Variants in PRKAR2B observed in about 807,000 individuals in gnomAD.
The protein encoded by PRKAR2B is protein kinase cAMP-dependent type II regulatory subunit beta, also known as cAMP-dependent protein kinase type II-beta regulatory subunit.
Under a neutral mutation model 49.9 loss-of-function variants are expected in PRKAR2B, and 14 were observed. The observed-to-expected ratio is 0.28, with a 90% CI of 0.19 to 0.44. The LOEUF (loss-of-function observed/expected upper bound fraction) is 0.44. Among genes scored for constraint, PRKAR2B ranks in the 20% least tolerant of loss-of-function variants. The probability of loss-of-function intolerance (pLI) is 1.00; values close to 1 mark genes in which losing one functional copy is unlikely to be tolerated. For missense variants in PRKAR2B, 393 were observed against 537.9 expected, an observed-to-expected ratio of 0.73 and a Z score of 2.67; for synonymous variants, 196 against 197.7, an observed-to-expected ratio of 0.99 and a Z score of 0.07.
chr7:107,077,610 A>G (rs1794424079), intron 2 of PRKAR2B, among the ~76,000 whole-genome samples: 1 of 152,240 alleles, frequency 6.6e-6, no homozygotes, highest in Non-Finnish European at 1.5e-5. Context: ...TGGAGTGAGC[A>G]GATGCCCACT....
At chr7:107,116,947 GTGTGTGTGTATATATATATA>G (rs1044969201) in intron 2 of PRKAR2B, among the ~76,000 whole-genome samples, 3 of 146,940 alleles carry the variant, frequency 2.0e-5, no homozygotes, top group Non-Finnish European at 4.5e-5. Flanking sequence ...ATATATGTGT[GTGTGTGTGTATATATATATA>G]TATGTGTATA....
chr7:107,061,362 A>G (rs542293189), intron 1 of PRKAR2B, among the ~76,000 whole-genome samples: 1 of 152,326 alleles, frequency 6.6e-6, no homozygotes, highest in South Asian at 2.1e-4. Context: ...CTTCCTATCC[A>G]TGAACATGAT....
chr7:107,142,860 T>C (rs568894166), intron 5 of PRKAR2B, among the ~76,000 whole-genome samples: 22 of 152,202 alleles, frequency 1.4e-4, no homozygotes, highest in Non-Finnish European at 3.1e-4. Flanking sequence ...CCTCCCAGTT[T>C]CAAGCGATTC....
intron 2 of PRKAR2B, among the ~76,000 whole-genome samples, chr7:107,110,773 T>TAGTA (rs925007217): frequency 6.6e-6 from 1 of 152,074 alleles, no homozygotes; most frequent in Admixed American, 6.5e-5. Context: ...AATACTCAGG[T>TAGTA]AGTACACTGT....
intron 5 of PRKAR2B, among the ~76,000 whole-genome samples, 189 bp downstream of exon 5, chr7:107,141,142 C>T (rs1399198433): frequency 1.3e-5 from 2 of 152,144 alleles, no homozygotes; most frequent in African/African-American, 4.8e-5. Context: ...TGAAAAGAGA[C>T]ATAGTTTATA....
Position 107,108,264 on chromosome 7 carries a change from A to G in PRKAR2B, c.344-13688A>G, listed in dbSNP as rs748338595. On this transcript the variant is annotated intron_variant, in intron 2 of 10. Coordinates refer to ENST00000265717, the MANE Select transcript of PRKAR2B (RefSeq NM_002736.3). ...CAACAGAGGACTTCTGAAAATTACC[A>G]AAAGAGGATTCAAAACAGACTAGGA... Among the ~76,000 whole-genome samples the G allele has an allele frequency of 2.6e-5, 4 of 152,210 alleles. No homozygotes were observed. In the South Asian group the frequency reaches 6.2e-4, roughly 24 times the overall value.
intron 1 of PRKAR2B, among the ~76,000 whole-genome samples, chr7:107,060,655 T>C (rs931703804): frequency 1.3e-5 from 2 of 149,288 alleles, no homozygotes; most frequent in African/African-American, 2.5e-5. Flanking sequence ...TTCCTTCCTT[T>C]AATGTTCTGG....
At chr7:107,138,125 T>A (rs186917317) in intron 4 of PRKAR2B, among the ~76,000 whole-genome samples, 14 of 152,342 alleles carry the variant, frequency 9.2e-5, no homozygotes, top group African/African-American at 2.9e-4. Context: ...TTAATTTTTT[T>A]AACTCTTTTA....
intron 6 of PRKAR2B, among the ~76,000 whole-genome samples, chr7:107,149,671 A>G (rs1795948836): frequency 6.6e-6 from 1 of 152,090 alleles, no homozygotes; most frequent in African/African-American, 2.4e-5. Context: ...TGATAGAAAC[A>G]TTCAGTTGCA....
At chr7:107,047,627 A>G (rs769212722) in intron 1 of PRKAR2B, among the ~76,000 whole-genome samples, 10 of 152,182 alleles carry the variant, frequency 6.6e-5, no homozygotes, top group Non-Finnish European at 1.5e-4. Flanking sequence ...TATGTCCAGA[A>G]ATGTGTCTCA....
chr7:107,058,001 T>C (rs2243984), intron 1 of PRKAR2B, among the ~76,000 whole-genome samples: 96,689 of 151,622 alleles, frequency 0.64, 32,120 homozygotes, highest in African/African-American at 0.83. Flanking sequence ...GTTCTTTAAA[T>C]CTTATGTCCT....
At position 107,160,971 on chromosome 7, in the gene PRKAR2B, G is replaced by C. The variant is rs982191792; in HGVS notation, c.*1389G>C. Reference sequence around the variant, plus strand: ...TAACCAGTTGTTTGCTTTTAAATGAGTGATTTCATTTTGGGAAACAGGTTT... The same window carrying C: ...TAACCAGTTGTTTGCTTTTAAATGACTGATTTCATTTTGGGAAACAGGTTT... On this transcript the variant is annotated 3_prime_UTR_variant, in exon 11 of 11. Transcript: ENST00000265717. 2 of 152,160 alleles carry C rather than the reference G, an allele frequency of 1.3e-5. No homozygotes were observed. The highest frequency in any genetic ancestry group is 4.8e-5 in the African/African-American group (2 of 41,442). 9.4% of individuals were successfully genotyped at this position (152,160 alleles called of 1,614,324 possible). A position where few individuals can be genotyped will look rare whatever the true frequency, so the allele number is the denominator to read the frequency against.
At chr7:107,149,132 C>T (rs1215240594) in intron 6 of PRKAR2B, among the ~76,000 whole-genome samples, 1 of 152,140 alleles carries the variant, frequency 6.6e-6, no homozygotes, top group Non-Finnish European at 1.5e-5. Flanking sequence ...GATCTTGAGT[C>T]ATTAAGGTCT....
chr7:107,044,834 CA>C lies in PRKAR2B; in HGVS notation c.-73del, dbSNP rs1285774349. 1 of 1,220,198 alleles carries C rather than the reference CA, an allele frequency of 8.2e-7. No individual in the cohort carries two copies. The highest frequency in any genetic ancestry group is 1.0e-6 in the Non-Finnish European group (1 of 958,530). 75.6% of individuals were successfully genotyped at this position (1,220,198 alleles called of 1,614,324 possible). ...GCCAGCGCCGTAGGCGCTCGCTCGG[CA>C]GCCGCGGGGCCCTAGGCCGTGCCGG... On this transcript the variant is annotated 5_prime_UTR_variant, in exon 1 of 11. Coordinates refer to ENST00000265717, the MANE Select transcript of PRKAR2B (RefSeq NM_002736.3).
chr7:107,117,582 T>A (rs1795300178), intron 2 of PRKAR2B, among the ~76,000 whole-genome samples: 1 of 152,180 alleles, frequency 6.6e-6, no homozygotes, highest in Non-Finnish European at 1.5e-5. Context: ...TCTGCTTCCT[T>A]TAACTCCTTG....
intron 4 of PRKAR2B, among the ~76,000 whole-genome samples, chr7:107,132,301 AT>A (rs1458280370): frequency 1.3e-5 from 2 of 152,214 alleles, no homozygotes; most frequent in Non-Finnish European, 2.9e-5. Context: ...AGGAAGGCCC[AT>A]TCTTTCTCGA....
intron 1 of PRKAR2B, among the ~76,000 whole-genome samples, chr7:107,051,170 T>TATA (rs1439831975): frequency 6.6e-6 from 1 of 152,254 alleles, no homozygotes; most frequent in African/African-American, 2.4e-5. Context: ...TTTTGTGCGC[T>TATA]ATTTATATTA....
intron 2 of PRKAR2B, among the ~76,000 whole-genome samples, chr7:107,087,553 T>G (rs989730273): frequency 2.6e-5 from 4 of 152,176 alleles, no homozygotes; most frequent in African/African-American, 9.7e-5. Flanking sequence ...GTTACTGTTC[T>G]AATGTTACCA....
chr7:107,061,973 A>G (rs1245259309), intron 1 of PRKAR2B, among the ~76,000 whole-genome samples: 1 of 152,162 alleles, frequency 6.6e-6, no homozygotes, highest in Non-Finnish European at 1.5e-5. Context: ...CAGGATAGTG[A>G]AAAAACCACT....
Sources: gnomAD v4.1 joint callset for allele counts (sites outside exome capture counted in the v4.1 genomes callset) on GRCh38, gnomAD v4.1.1 for gene constraint, MANE v1.5 for transcripts, NCBI Gene and HGNC (gene_info 2026-07-23, HGNC 2026-07-21) for gene names.